Variants in PITPNM3 observed in about 807,000 individuals in gnomAD.
PITPNM3 encodes the protein membrane-associated phosphatidylinositol transfer protein 3.
In PITPNM3, 26 loss-of-function variants were observed where a neutral mutation model predicts 102.0. The observed-to-expected ratio is 0.25, with a 90% confidence interval of 0.19 to 0.35. PITPNM3 has a LOEUF of 0.35. PITPNM3 is among the 10% of genes least tolerant of loss of function. PITPNM3 has a pLI of 1.00. For synonymous variants in PITPNM3, 578 were observed against 558.6 expected (o/e 1.03, Z -0.49); for missense variants, 1,083 against 1,346.1 (o/e 0.80, Z 3.06).
intron 4 of PITPNM3, among the ~76,000 whole-genome samples, chr17:6,489,835 C>G (rs1906339757): frequency 1.3e-5 from 2 of 152,170 alleles, no homozygotes; most frequent in East Asian, 3.9e-4. Flanking sequence ...GAAACCCCAT[C>G]TCTACTAAAA....
chr17:6,516,217 A>T (rs1908165162), intron 3 of PITPNM3, among the ~76,000 whole-genome samples: 1 of 152,198 alleles, frequency 6.6e-6, no homozygotes, highest in Non-Finnish European at 1.5e-5. Context: ...AGGACCAAGA[A>T]ATAAGAATAA....
rs1409549530 is a variant in PITPNM3 at position 6,512,807 on chromosome 17, CTGTT to C, written c.227-9237_227-9234del. ...CAACAAGAACGTGGCCTTGCTGACA[CTGTT>C]TGTTTTAAGAACAAGAAGAACCTAG... On this transcript the variant is annotated intron_variant, in intron 3 of 19. Coordinates refer to ENST00000262483, the MANE Select transcript of PITPNM3 (RefSeq NM_031220.4). Among the ~76,000 whole-genome samples, 3 of 152,300 alleles carry C rather than the reference CTGTT, an allele frequency of 2.0e-5. 1 individual carries two copies. Among genetic ancestry groups the C allele is most frequent in the African/African-American group, 7.2e-5 (3 of 41,554 alleles).
At chr17:6,507,721 C>T (rs1415532919) in intron 3 of PITPNM3, among the ~76,000 whole-genome samples, 4 of 152,300 alleles carry the variant, frequency 2.6e-5, no homozygotes, top group South Asian at 2.1e-4. Flanking sequence ...TGGCATTTCT[C>T]GGGCATCTAC....
intron 4 of PITPNM3, among the ~76,000 whole-genome samples, chr17:6,491,967 A>T (rs1222048865): frequency 6.7e-6 from 1 of 149,676 alleles, no homozygotes; most frequent in Non-Finnish European, 1.5e-5. Context: ...CTATTTTCCA[A>T]TTTTTCTCTA....
Position 6,455,299 on chromosome 17 carries a change from T to A in PITPNM3, c.*39A>T. 1.3e-6 allele frequency: 2 copies of A among 1,533,170 alleles called. No homozygotes were observed. Among genetic ancestry groups the A allele is most frequent in the Non-Finnish European group, 1.7e-6 (2 of 1,144,322 alleles). The allele number at this position is 1,533,170 out of a possible 1,614,324, so 95.0% of individuals were successfully genotyped here. ...CCTCCCGTCCCCGCAGGCAGCCTGA[T>A]TGGGCCCCCCGCTCCCTGCTCTGAG... On this transcript the variant is annotated 3_prime_UTR_variant, in exon 20 of 20. Coordinates refer to ENST00000262483, the MANE Select transcript of PITPNM3 (RefSeq NM_031220.4).
At chr17:6,483,398 C>A (rs1273429353) in intron 6 of PITPNM3, 119 bp downstream of exon 6, 1 of 965,120 alleles carries the variant, frequency 1.0e-6, no homozygotes, top group Non-Finnish European at 1.6e-6. Flanking sequence ...CACGATCTGA[C>A]ACCCCAGAGA....
rs201959934 is a variant in PITPNM3 at position 6,537,256 on chromosome 17, CT to C, written c.118+730del. On this transcript the variant is annotated intron_variant, in intron 2 of 19. Transcript: ENST00000262483. The surrounding 1 kb of genome is among the most constrained non-coding windows in gnomAD (Gnocchi z 4.4). Reference sequence around the variant, plus strand: ...TATGAGGCTCATTTATTTTTTCTTTCTTTTTTTTTTTTTTTTTTCTGAGACA... The same window carrying C: ...TATGAGGCTCATTTATTTTTTCTTTCTTTTTTTTTTTTTTTTTCTGAGACA... Among the ~76,000 whole-genome samples, 5,617 of 128,176 alleles carry C rather than the reference CT, an allele frequency of 0.044. 241 individuals are homozygous for C. Among genetic ancestry groups the C allele is most frequent in the East Asian group, 0.14 (652 of 4,530 alleles). 84.1% of individuals were successfully genotyped at this position (128,176 alleles called of 152,430 possible). A position where few individuals can be genotyped will look rare whatever the true frequency, so the allele number is the denominator to read the frequency against.
chr17:6,488,572 T>G lies in PITPNM3; in HGVS notation c.275-4280A>C, dbSNP rs1283391899. On this transcript the variant is annotated intron_variant, in intron 4 of 19. Transcript: ENST00000262483. Reference sequence around the variant, plus strand: ...GCACACATCCTGTGAGACATCTCTGTGCCATTAAACCCCCAGGAGAAATCA... The same window carrying G: ...GCACACATCCTGTGAGACATCTCTGGGCCATTAAACCCCCAGGAGAAATCA... Among the ~76,000 whole-genome samples the G allele has an allele frequency of 2.6e-5, 4 of 152,292 alleles. No homozygotes were observed. The East Asian group carries it at 7.7e-4, about 29-fold the overall frequency.
intron 1 of PITPNM3, among the ~76,000 whole-genome samples, chr17:6,551,957 G>A (rs1910331429): frequency 6.6e-6 from 1 of 152,140 alleles, no homozygotes; most frequent in African/African-American, 2.4e-5. Flanking sequence ...CCCAGGCTCT[G>A]CCGTCACCTT....
rs1904356010 is a variant in PITPNM3, at chr17:6,459,609, C to T, written c.2490+1764G>A. ...TCTCCCTCCAGCCTGGTCCTCCTCT[C>T]ATGTCCCCTCTCATTCACTCACTCA... On this transcript the variant is annotated intron_variant, in intron 18 of 19. Transcript: ENST00000262483. The surrounding 1 kb of genome is among the most constrained non-coding windows in gnomAD (Gnocchi z 5.0). Among the ~76,000 whole-genome samples, 1 of 152,232 alleles carries T rather than the reference C, an allele frequency of 6.6e-6. No individual in the cohort carries two copies. Among genetic ancestry groups the T allele is most frequent in the African/African-American group, 2.4e-5 (1 of 41,454 alleles).
Position 6,556,242 on chromosome 17 carries a change from T to C in PITPNM3, c.22+143A>G. The C allele has an allele frequency of 5.3e-6, 3 of 569,754 alleles. No individual in the cohort carries two copies. Among genetic ancestry groups the C allele is most frequent in the South Asian group, 7.4e-5 (2 of 27,120 alleles). 35.3% of individuals were successfully genotyped at this position (569,754 alleles called of 1,614,324 possible). A position where few individuals can be genotyped will look rare whatever the true frequency, so the allele number is the denominator to read the frequency against. ...GAGCCCCCTCTCCACGCGCGGGAGG[T>C]CCAGCCCCGCTACCGCCCCCTACGC... On this transcript the variant is annotated intron_variant, in intron 1 of 19. Coordinates refer to ENST00000262483, the MANE Select transcript of PITPNM3 (RefSeq NM_031220.4). This position sits in a 1 kb window ranked among gnomAD's most constrained non-coding sequence, Gnocchi z 5.2.
chr17:6,495,300 T>C (rs146878449), intron 4 of PITPNM3, among the ~76,000 whole-genome samples: 5 of 152,136 alleles, frequency 3.3e-5, no homozygotes, highest in African/African-American at 9.6e-5. Flanking sequence ...TAGATACCAA[T>C]TTATATCTTC....
chr17:6,533,075 G>A (rs1369482423), intron 2 of PITPNM3, among the ~76,000 whole-genome samples: 3 of 151,990 alleles, frequency 2.0e-5, no homozygotes, highest in Non-Finnish European at 4.4e-5. Context: ...TTATTCTCCT[G>A]CCTCAGCCTC....
intron 1 of PITPNM3, among the ~76,000 whole-genome samples, chr17:6,554,909 G>A (rs1251496441): frequency 6.6e-6 from 1 of 152,220 alleles, no homozygotes; most frequent in Non-Finnish European, 1.5e-5. Flanking sequence ...AGCAGCAAAT[G>A]TTCACTGCCG....
At chr17:6,477,506 C>A (rs976981094) in intron 8 of PITPNM3, among the ~76,000 whole-genome samples, 6 of 152,182 alleles carry the variant, frequency 3.9e-5, no homozygotes, top group Admixed American at 2.6e-4. Context: ...TAATCCCCTG[C>A]TACTCTTGTA....
At chr17:6,525,986 C>T (rs1908812702) in intron 2 of PITPNM3, among the ~76,000 whole-genome samples, 1 of 152,212 alleles carries the variant, frequency 6.6e-6, no homozygotes, top group Admixed American at 6.5e-5. Context: ...AAGTAACTCA[C>T]CACCAGGAGT....
intron 1 of PITPNM3, among the ~76,000 whole-genome samples, chr17:6,543,456 C>T (rs906974149): frequency 9.2e-5 from 14 of 152,224 alleles, no homozygotes; most frequent in African/African-American, 2.7e-4. Flanking sequence ...AGTCCTCAGG[C>T]GAAGGGAGAT....
chr17:6,507,934 A>G (rs1907631940), intron 3 of PITPNM3, among the ~76,000 whole-genome samples: 1 of 151,456 alleles, frequency 6.6e-6, no homozygotes, highest in Admixed American at 6.6e-5. Context: ...GGGAGGTGGG[A>G]AAGTTGGGGA....
chr17:6,514,395 C>G (rs922170476), intron 3 of PITPNM3, among the ~76,000 whole-genome samples: 2 of 150,948 alleles, frequency 1.3e-5, no homozygotes, highest in Non-Finnish European at 2.9e-5. Flanking sequence ...TTAAAGAACT[C>G]TTACAACTCA....
Sources: allele counts gnomAD v4.1 joint callset (sites outside exome capture counted in the v4.1 genomes callset), GRCh38; gene constraint gnomAD v4.1.1; non-coding constraint Gnocchi (gnomAD v3.1); transcripts MANE v1.5; gene names NCBI Gene and HGNC (gene_info 2026-07-23, HGNC 2026-07-21).